Variants in FGF13 observed in about 807,000 individuals in gnomAD.
FGF13 encodes fibroblast growth factor homologous factor 2.
FGF13 carries 2 observed loss-of-function variants against 19.5 expected under a neutral mutation model. That is an observed-to-expected ratio of 0.10 (90% confidence interval 0.04 to 0.32). The LOEUF (loss-of-function observed/expected upper bound fraction) is 0.32, where lower values mean the gene tolerates loss of function less well. Among genes scored for constraint, FGF13 ranks in the 10% least tolerant of loss-of-function variants. The probability of loss-of-function intolerance (pLI) is 1.00; values close to 1 mark genes in which losing one functional copy is unlikely to be tolerated. For synonymous variants in FGF13, 72 were observed against 76.9 expected (o/e 0.94, Z 0.33); for missense variants, 113 against 192.7 (o/e 0.59, Z 2.45).
At chrX:139,041,863 T>C (rs1332264726) in intron 1 of FGF13, among the ~76,000 whole-genome samples, 3 of 112,386 alleles carry the variant, frequency 2.7e-5, no homozygotes, top group African/African-American at 9.7e-5. Flanking sequence ...GAAAATCCAC[T>C]ATAAGAATGT....
At chrX:138,696,914 G>A (rs2089902430) in intron 3 of FGF13, among the ~76,000 whole-genome samples, 1 of 112,012 alleles carries the variant, frequency 8.9e-6, no homozygotes, top group Non-Finnish European at 1.9e-5. Flanking sequence ...CTCTCTAAAT[G>A]TAACGTGTTT....
chrX:139,093,899 T>C (rs1468381128), intron 1 of FGF13, among the ~76,000 whole-genome samples: 1 of 112,127 alleles, frequency 8.9e-6, no homozygotes, highest in Non-Finnish European at 1.9e-5. Flanking sequence ...ATTACTTTAT[T>C]AGATTCTCCC....
chrX:138,898,403 C>T (rs888457983), intron 1 of FGF13, among the ~76,000 whole-genome samples: 3 of 111,926 alleles, frequency 2.7e-5, no homozygotes, highest in Non-Finnish European at 5.6e-5. Flanking sequence ...GCTAAGTAGA[C>T]GCTTGGTATA....
At chrX:138,770,313 C>T (rs1430915855) in intron 3 of FGF13, among the ~76,000 whole-genome samples, 2 of 111,270 alleles carry the variant, frequency 1.8e-5, no homozygotes, top group Non-Finnish European at 3.8e-5. Context: ...TAATTTGCCA[C>T]ACCCTCAGCC....
chrX:138,896,014 C>A (rs1455312318), intron 1 of FGF13, among the ~76,000 whole-genome samples: 1 of 111,711 alleles, frequency 9.0e-6, no homozygotes, highest in Admixed American at 9.5e-5. Context: ...GTCTTGAACT[C>A]CTGGGCTCAA....
intron 3 of FGF13, among the ~76,000 whole-genome samples, chrX:138,850,803 T>C (rs1220828522): frequency 1.8e-5 from 2 of 112,305 alleles, no homozygotes; most frequent in Non-Finnish European, 3.8e-5. Flanking sequence ...ATGTGTGCCA[T>C]GGTGGTTTGC....
At chrX:139,083,526 G>A (rs2083384187) in intron 1 of FGF13, among the ~76,000 whole-genome samples, 1 of 112,093 alleles carries the variant, frequency 8.9e-6, no homozygotes, top group Non-Finnish European at 1.9e-5. Flanking sequence ...TTTTGCCACT[G>A]AGTCTGAGAT....
intron 1 of FGF13, among the ~76,000 whole-genome samples, chrX:139,011,836 CAGAGCA>C (rs2092129767): frequency 9.0e-6 from 1 of 111,209 alleles, no homozygotes. Context: ...AAGACCAAGC[CAGAGCA>C]GTCAGACAAG....
intron 3 of FGF13, among the ~76,000 whole-genome samples, chrX:138,640,163 T>A (rs2089233279): frequency 9.0e-6 from 1 of 111,204 alleles, no homozygotes; most frequent in African/African-American, 3.3e-5. Flanking sequence ...TCTTTGGAGG[T>A]TGAAATATCA....
At chrX:139,028,616 T>TGTGTGTGTGTGTGA (rs1432577338) in intron 1 of FGF13, among the ~76,000 whole-genome samples, 19 of 74,317 alleles carry the variant, frequency 2.6e-4, no homozygotes, top group South Asian at 7.8e-4. Context: ...TGTGTGTGTG[T>TGTGTGTGTGTGTGA]GAGAGAGAGA....
intron 1 of FGF13, among the ~76,000 whole-genome samples, chrX:138,930,094 A>G (rs182657109): frequency 2.7e-4 from 30 of 111,849 alleles, no homozygotes; most frequent in Admixed American, 2.7e-3. Context: ...ATAATTTTTA[A>G]AACCATGGAC....
chrX:138,687,477 CTAATA>C (rs1248924952), intron 3 of FGF13, among the ~76,000 whole-genome samples: 1 of 111,387 alleles, frequency 9.0e-6, no homozygotes, highest in Non-Finnish European at 1.9e-5. Context: ...GTTAAAATGG[CTAATA>C]TAAAACAAAC....
At chrX:138,937,458 T>G (rs2091737290) in intron 1 of FGF13, among the ~76,000 whole-genome samples, 1 of 112,303 alleles carries the variant, frequency 8.9e-6, no homozygotes. Context: ...ACTAGCTGCA[T>G]GTAAGCAGGA....
At chrX:138,900,554 C>A (rs1395597574) in intron 1 of FGF13, among the ~76,000 whole-genome samples, 2 of 111,306 alleles carry the variant, frequency 1.8e-5, no homozygotes, top group Non-Finnish European at 3.8e-5. Context: ...GTCCAAGATG[C>A]CACTACTCCT....
intron 3 of FGF13, among the ~76,000 whole-genome samples, chrX:138,811,530 C>A (rs905217859): frequency 9.1e-6 from 1 of 110,288 alleles, no homozygotes; most frequent in Non-Finnish European, 1.9e-5. Flanking sequence ...ACCAACATGG[C>A]GCACGTATCC....
chrX:139,141,047 T>TGATAGATAGATA lies in FGF13; in HGVS notation c.-113+62357_-113+62368dup, dbSNP rs71855826. Among the ~76,000 whole-genome samples, 717 of 89,107 alleles carry TGATAGATAGATA rather than the reference T, an allele frequency of 8.0e-3. 5 individuals carry two copies. The highest frequency in any genetic ancestry group is 0.022 in the African/African-American group (502 of 22,934). 77.4% of individuals were successfully genotyped at this position (89,107 alleles called of 115,157 possible). ...AGGTCTTTCCTCACCACTAGATAGA[T>TGATAGATAGATA]GATAGATAGATAGATAGATAGATAG... On this transcript the variant is annotated intron_variant, in intron 1 of 2. Transcript: ENST00000421460.
intron 3 of FGF13, among the ~76,000 whole-genome samples, chrX:138,661,001 C>T: frequency 9.0e-6 from 1 of 111,638 alleles, no homozygotes; most frequent in Non-Finnish European, 1.9e-5. Flanking sequence ...AACAGAAACA[C>T]ATTTGAGGAA....
At chrX:138,756,125 A>G (rs754301089) in intron 3 of FGF13, among the ~76,000 whole-genome samples, 1 of 112,587 alleles carries the variant, frequency 8.9e-6, no homozygotes, top group East Asian at 2.8e-4. Context: ...TCTAGCCTCC[A>G]GAACTGTGAG....
At chrX:138,983,063 G>A (rs1285739478) in intron 1 of FGF13, among the ~76,000 whole-genome samples, 3 of 110,862 alleles carry the variant, frequency 2.7e-5, no homozygotes, top group Non-Finnish European at 5.7e-5. Context: ...CATTCTGTAC[G>A]TTGCCTTTTC....
Sources: allele counts gnomAD v4.1 joint callset (sites outside exome capture counted in the v4.1 genomes callset), GRCh38; gene constraint gnomAD v4.1.1; transcripts MANE v1.5; gene names NCBI Gene and HGNC (gene_info 2026-07-23, HGNC 2026-07-21).